The following NEB variants were observed in gnomAD, a reference collection of about 807,000 sequenced individuals.
NEB encodes nebulin.
Under a neutral mutation model 952.2 loss-of-function variants are expected in NEB, and 512 were observed. The ratio of observed to expected loss-of-function variants is 0.54; its 90% CI spans 0.50 to 0.58. The LOEUF (loss-of-function observed/expected upper bound fraction) is 0.58, where lower values mean the gene tolerates loss of function less well. Among genes scored for constraint, NEB ranks in the 20% least tolerant of loss-of-function variants. The pLI, the probability that NEB is intolerant of heterozygous loss-of-function variation, is 0.00. For missense variants in NEB, 8,428 were observed against 9,231.1 expected (o/e 0.91, Z 3.56); for synonymous variants, 2,900 against 3,149.8 (o/e 0.92, Z 2.66).
chr2:151,531,308 C>CT (rs1159075000), intron 144 of NEB, among the ~76,000 whole-genome samples: 1,171 of 84,044 alleles, frequency 0.014, 56 homozygotes, highest in Middle Eastern at 0.02. Flanking sequence ...TTTTTTCTTT[C>CT]TTTTTTTTTT....
chr2:151,655,698 G>A, intron 50 of NEB, 119 bp downstream of exon 50: 1 of 1,047,928 alleles, frequency 9.5e-7, no homozygotes, highest in Non-Finnish European at 1.4e-6. Context: ...GGAATGATCT[G>A]GAATGGTTTG....
In NEB at chr2:151,614,375, T is replaced by C. The variant is rs1278412398; in HGVS notation, c.11502A>G (p.Val3834=). 6.2e-7 allele frequency: 1 copy of C among 1,613,800 alleles called. No individual in the cohort carries two copies. Among genetic ancestry groups the C allele is most frequent in the African/African-American group, 1.3e-5 (1 of 74,900 alleles). ...GGGGATGCTTGTAGTCTATGTCGCT[T>C]ACAAGGATCTGACACTTCTTGGCCA... The part of the protein sequence containing the change: ...VVLAKKCQIL[V]SDIDYKHPLH... The change falls in exon 77 of 182, where the codon GTA becomes GTG. Residue 3834 remains valine, a synonymous_variant. Coordinates refer to ENST00000397345, the MANE Select transcript of NEB (RefSeq NM_001164508.2).
rs200555425 is a variant in NEB, at chr2:151,725,488, G to A, written c.367C>T (p.Arg123Cys). ...YASTTDTPELRRIKKVQDQLS... is the reference protein window; with the variant it reads ...YASTTDTPELCRIKKVQDQLS... Reference sequence around the variant, plus strand: ...TGATCTTGTACTTTTTTGATTCTGCGAAGTTCTGGAGTATCTGTTGTGCTG... The same window carrying A: ...TGATCTTGTACTTTTTTGATTCTGCAAAGTTCTGGAGTATCTGTTGTGCTG... Residue 123 changes from arginine (R) to cysteine (C), a missense_variant, in exon 6 of 182, where the codon CGC becomes TGC. Coordinates refer to ENST00000397345, the MANE Select transcript of NEB (RefSeq NM_001164508.2). The A allele has an allele frequency of 6.6e-5, 106 of 1,613,068 alleles. No homozygotes were observed. The Admixed American group carries it at 9.5e-4, about 14-fold the overall frequency.
At chr2:151,604,063 T>C (rs2097586308) in intron 85 of NEB, among the ~76,000 whole-genome samples, 1 of 126,754 alleles carries the variant, frequency 7.9e-6, no homozygotes, top group Non-Finnish European at 1.7e-5. Context: ...CACTCACCAC[T>C]TGAAGTCTGC....
intron 56 of NEB, 74 bp from the exon 57 acceptor site, chr2:151,644,203 G>A (rs533243756): frequency 3.1e-5 from 48 of 1,542,022 alleles, no homozygotes; most frequent in Middle Eastern, 3.5e-4. Context: ...ATTACAAAGC[G>A]CATTAACTCT....
Position 151,561,320 on chromosome 2 carries a change from G to A in NEB, c.18997-8C>T. ...TGCTGCTGTATATTGTAGCTGTGAA[G>A]AAAAACAAAAGTCATCAAAAATGGT... is the stretch of plus-strand genomic sequence containing the variant. On this transcript the variant is annotated splice_region_variant and splice_polypyrimidine_tract_variant and intron_variant, in intron 121 of 181. Transcript: ENST00000397345. 6.4e-7 allele frequency: 1 copy of A among 1,570,818 alleles called. No individual in the cohort carries two copies. Among genetic ancestry groups the A allele is most frequent in the South Asian group, 1.2e-5 (1 of 86,698 alleles).
At chr2:151,499,472 A>AAAACT in intron 168 of NEB, 82 bp from the exon 169 acceptor site, 1 of 732,318 alleles carries the variant, frequency 1.4e-6, no homozygotes, top group Admixed American at 2.1e-5. Context: ...AACCTGGTAT[A>AAAACT]AAACTACAGA....
chr2:151,524,197 G>T (rs1214924706), intron 153 of NEB, 114 bp downstream of exon 153: 4 of 854,256 alleles, frequency 4.7e-6, no homozygotes, highest in East Asian at 5.2e-5. Context: ...AAGCTTTGCA[G>T]TACTATTACA....
rs878865700 is a variant in NEB, at chr2:151,533,531, T to G, written c.21328A>C (p.Ser7110Arg). ...CCATGTTGCAGAAACATCTTGGCACTAGATTTATATTTTCTCTGTCCATGC... is the reference window on the plus strand; with the variant it reads ...CCATGTTGCAGAAACATCTTGGCACGAGATTTATATTTTCTCTGTCCATGC... ...QLMNERKYKS[S>R]AKMFLQHGCN... is the part of the protein sequence containing the mutation. The change falls in exon 143 of 182, where the codon AGT becomes CGT. Residue 7110 changes from serine to arginine, a missense_variant. Around this residue, in one of 11 missense-constraint regions of NEB, gnomAD observed 3,374 missense variants for 3,651.5 expected, o/e 0.92. Transcript: ENST00000397345. 6.5e-7 allele frequency: 1 copy of G among 1,550,228 alleles called. No homozygotes were observed. Among genetic ancestry groups the G allele is most frequent in the South Asian group, 1.2e-5 (1 of 84,038 alleles).
At position 151,640,499 on chromosome 2, in the gene NEB, C is replaced by T. The variant is rs2098833367; in HGVS notation, c.8541G>A (p.Val2847=). The change falls in exon 61 of 182, where the codon GTG becomes GTA. Residue 2847 remains valine, a synonymous_variant. Coordinates refer to ENST00000397345, the MANE Select transcript of NEB (RefSeq NM_001164508.2). ...EKWKTKFSSP[V]DMLGVVLAKK... is the part of the protein sequence containing the mutation. ...TGGCCAGCACCACCCCCAGCATGTCCACTGGGCTGCTGAACTTGGTCTTCC... is the reference window on the plus strand; with the variant it reads ...TGGCCAGCACCACCCCCAGCATGTCTACTGGGCTGCTGAACTTGGTCTTCC... The T allele has an allele frequency of 1.9e-6, 3 of 1,613,922 alleles. No homozygotes were observed. Among genetic ancestry groups the T allele is most frequent in the Non-Finnish European group, 1.7e-6 (2 of 1,179,872 alleles).
At chr2:151,733,633 G>A (rs1209038882) in intron 2 of NEB, 79 bp downstream of exon 2, 1 of 153,082 alleles carries the variant, frequency 6.5e-6, no homozygotes, top group Non-Finnish European at 1.5e-5. Flanking sequence ...CTGATCCACT[G>A]TTTGCAATAT....
rs189808361 is a variant in NEB at position 151,578,372 on chromosome 2, A to G, written c.16704+966T>C. Among the ~76,000 whole-genome samples, 353 of 150,836 alleles carry G rather than the reference A, an allele frequency of 2.3e-3. 7 individuals carry two copies. The East Asian group carries it at 0.047, about 20-fold the overall frequency. ...CCTGCCCTTCTTTGATTCATAGCTG[A>G]AGGACCATGGACATTCTTCTGTTTA... is the stretch of plus-strand genomic sequence containing the variant. On this transcript the variant is annotated intron_variant, in intron 105 of 181. Transcript: ENST00000397345.
At chr2:151,613,320 G>C (rs1458161127) in intron 77 of NEB, among the ~76,000 whole-genome samples, 1 of 152,142 alleles carries the variant, frequency 6.6e-6, no homozygotes, top group African/African-American at 2.4e-5. Flanking sequence ...CCATTCAAAA[G>C]TTACAATAGA....
intron 135 of NEB, among the ~76,000 whole-genome samples, chr2:151,544,051 G>C (rs1018214571): frequency 6.6e-6 from 1 of 152,140 alleles, no homozygotes; most frequent in African/African-American, 2.4e-5. Flanking sequence ...AGATTCGTAG[G>C]CTGTCTCCCA....
chr2:151,633,518 A>G, intron 65 of NEB, 136 bp downstream of exon 65: 1 of 1,275,568 alleles, frequency 7.8e-7, no homozygotes, highest in Non-Finnish European at 1.0e-6. Flanking sequence ...ATAAAGCAAT[A>G]AAATTGTATT....
At chr2:151,551,678 C>T in intron 129 of NEB, 60 bp downstream of exon 129, 3 of 1,334,210 alleles carry the variant, frequency 2.2e-6, no homozygotes, top group Non-Finnish European at 3.2e-6. Context: ...GCTCAGCTTG[C>T]TTCCACAGAG....
chr2:151,719,622 C>T (rs1171327131), intron 9 of NEB, among the ~76,000 whole-genome samples: 5 of 152,214 alleles, frequency 3.3e-5, no homozygotes, highest in African/African-American at 4.8e-5. Flanking sequence ...CAGTGACTCA[C>T]GCCTGTAATC....
In NEB at chr2:151,546,332, G is replaced by A; in HGVS notation, c.20466+13C>T. ...GCGGGGGGTAATTATGCATTGTGAT[G>A]ATGTGCACTCACCCAGAGCTTCCGC... On this transcript the variant is annotated intron_variant, in intron 134 of 181. Coordinates refer to ENST00000397345, the MANE Select transcript of NEB (RefSeq NM_001164508.2). 11 of 1,602,888 alleles carry A rather than the reference G, an allele frequency of 6.9e-6. No individual in the cohort carries two copies. The highest frequency in any genetic ancestry group is 9.4e-6 in the Non-Finnish European group (11 of 1,171,878).
chr2:151,621,716 C>A (rs904743784), intron 71 of NEB, among the ~76,000 whole-genome samples: 2 of 152,166 alleles, frequency 1.3e-5, no homozygotes, highest in Non-Finnish European at 2.9e-5. Flanking sequence ...GAGAACCACG[C>A]ATTAAACAAA....
Sources: allele counts gnomAD v4.1 joint callset (sites outside exome capture counted in the v4.1 genomes callset), GRCh38; gene constraint gnomAD v4.1.1; regional missense constraint gnomAD v4.1.1; transcripts MANE v1.5; gene names NCBI Gene and HGNC (gene_info 2026-07-23, HGNC 2026-07-21).